The following TMEM163 variants were observed in gnomAD, a reference collection of about 807,000 sequenced individuals.
TMEM163 encodes transmembrane protein 163.
TMEM163 carries 17 observed loss-of-function variants against 29.3 expected under a neutral mutation model. That is an observed-to-expected ratio of 0.58 (90% confidence interval 0.40 to 0.87). The LOEUF (loss-of-function observed/expected upper bound fraction) is 0.87, where lower values mean the gene tolerates loss of function less well. Among genes scored for constraint, TMEM163 ranks in the 40% least tolerant of loss-of-function variants. The pLI is 0.00. For missense variants in TMEM163, 303 were observed against 381.5 expected, an observed-to-expected ratio of 0.79 and a Z score of 1.71; for synonymous variants, 157 against 160.6, an observed-to-expected ratio of 0.98 and a Z score of 0.17.
chr2:134,516,252 A>G (rs1680053977), intron 4 of TMEM163, among the ~76,000 whole-genome samples: 1 of 152,140 alleles, frequency 6.6e-6, no homozygotes, highest in Non-Finnish European at 1.5e-5. Flanking sequence ...AAGCATATAT[A>G]AAATATGGGC....
At chr2:134,668,530 TA>T (rs72287194) in intron 2 of TMEM163, among the ~76,000 whole-genome samples, 15,746 of 150,212 alleles carry the variant, frequency 0.1, 976 homozygotes, top group South Asian at 0.17. Flanking sequence ...ACAGAGATTG[TA>T]AAAAAATGGG....
At chr2:134,657,865 G>A (rs190532140) in intron 2 of TMEM163, among the ~76,000 whole-genome samples, 128 of 152,234 alleles carry the variant, frequency 8.4e-4, no homozygotes, top group African/African-American at 3.0e-3. Context: ...GGGCGTGGGC[G>A]GGAGGAAGGT....
In TMEM163 at chr2:134,456,514, G is replaced by T; in HGVS notation, c.*202C>A. On this transcript the variant is annotated 3_prime_UTR_variant, in exon 8 of 8. Coordinates refer to ENST00000281924, the MANE Select transcript of TMEM163 (RefSeq NM_030923.5). Reference sequence around the variant, plus strand: ...CGGGGAAGGAGGTCCATTCCTATGGGCATTGTCCCAACATGTTTGATGGGG... The same window carrying T: ...CGGGGAAGGAGGTCCATTCCTATGGTCATTGTCCCAACATGTTTGATGGGG... 1.6e-6 allele frequency: 1 copy of T among 617,326 alleles called. No individual in the cohort carries two copies. The highest frequency in any genetic ancestry group is 2.9e-6 in the Non-Finnish European group (1 of 345,320). 38.2% of individuals were successfully genotyped at this position (617,326 alleles called of 1,614,324 possible).
intron 5 of TMEM163, among the ~76,000 whole-genome samples, chr2:134,483,656 C>A (rs145650047): frequency 3.9e-5 from 6 of 152,308 alleles, no homozygotes; most frequent in African/African-American, 1.2e-4. Context: ...TGCCCCCCGG[C>A]CTTAAGATCA....
intron 2 of TMEM163, among the ~76,000 whole-genome samples, chr2:134,597,782 C>T (rs1323829327): frequency 2.0e-5 from 3 of 152,194 alleles, no homozygotes; most frequent in East Asian, 1.9e-4. Context: ...ATTATTGCCT[C>T]AATTTCAGAG....
intron 5 of TMEM163, chr2:134,466,815 T>C (rs1312227851): frequency 1.3e-5 from 2 of 152,570 alleles, no homozygotes; most frequent in African/African-American, 4.8e-5. Flanking sequence ...ACACTTCCTC[T>C]AAGTTGTTAC....
chr2:134,462,789 A>G (rs1270389626), intron 6 of TMEM163, among the ~76,000 whole-genome samples: 1 of 152,238 alleles, frequency 6.6e-6, no homozygotes, highest in Non-Finnish European at 1.5e-5. Context: ...GTTAGGAAAC[A>G]GCACCAACCA....
chr2:134,658,240 A>G (rs1260425325), intron 2 of TMEM163, among the ~76,000 whole-genome samples: 1 of 152,184 alleles, frequency 6.6e-6, no homozygotes, highest in East Asian at 1.9e-4. Context: ...GAATGCAGCT[A>G]GGAAAAATTT....
At chr2:134,477,531 C>G (rs1200163062) in intron 5 of TMEM163, among the ~76,000 whole-genome samples, 2 of 152,104 alleles carry the variant, frequency 1.3e-5, no homozygotes, top group African/African-American at 4.8e-5. Context: ...CTGGACAATC[C>G]AAATACTTCA....
At chr2:134,676,559 T>C (rs993173666) in intron 2 of TMEM163, among the ~76,000 whole-genome samples, 1 of 152,164 alleles carries the variant, frequency 6.6e-6, no homozygotes, top group Non-Finnish European at 1.5e-5. Flanking sequence ...TGGTTTTTAG[T>C]GTATTCAGAA....
chr2:134,609,912 G>A (rs972082581), intron 2 of TMEM163, among the ~76,000 whole-genome samples: 1 of 152,098 alleles, frequency 6.6e-6, no homozygotes, highest in African/African-American at 2.4e-5. Flanking sequence ...GAACTGTGCT[G>A]GTGAAAAGGG....
At chr2:134,697,854 T>C (rs565083218) in intron 2 of TMEM163, among the ~76,000 whole-genome samples, 47 of 152,336 alleles carry the variant, frequency 3.1e-4, no homozygotes, top group African/African-American at 8.9e-4. Context: ...ACTTTTTGTA[T>C]CTATATTCAT....
chr2:134,716,349 C>A (rs1685037109), intron 1 of TMEM163, among the ~76,000 whole-genome samples: 1 of 152,220 alleles, frequency 6.6e-6, no homozygotes, highest in Non-Finnish European at 1.5e-5. Flanking sequence ...ACATTCTGAG[C>A]TAGCTAGGTT....
intron 2 of TMEM163, among the ~76,000 whole-genome samples, chr2:134,685,792 T>C (rs769092440): frequency 6.6e-5 from 10 of 152,196 alleles, no homozygotes; most frequent in Non-Finnish European, 1.3e-4. Flanking sequence ...GACCACCTCA[T>C]AGATTCTTGG....
At chr2:134,637,383 TC>T (rs1203742196) in intron 2 of TMEM163, among the ~76,000 whole-genome samples, 1 of 152,112 alleles carries the variant, frequency 6.6e-6, no homozygotes, top group Non-Finnish European at 1.5e-5. Context: ...TGAGATGGCA[TC>T]CCATCCAGGG....
chr2:134,550,769 C>T (rs889102715), intron 3 of TMEM163, 108 bp from the exon 4 acceptor site: 1 of 1,075,712 alleles, frequency 9.3e-7, no homozygotes, highest in African/African-American at 1.6e-5. Flanking sequence ...TGAGTAAACT[C>T]TGAGCAAAGA....
At chr2:134,602,039 A>G (rs1682247595) in intron 2 of TMEM163, among the ~76,000 whole-genome samples, 1 of 152,164 alleles carries the variant, frequency 6.6e-6, no homozygotes, top group Non-Finnish European at 1.5e-5. Context: ...CTTCAAGGAG[A>G]AAATTAAAAT....
chr2:134,687,415 T>C (rs1368565841), intron 2 of TMEM163, among the ~76,000 whole-genome samples: 2 of 152,182 alleles, frequency 1.3e-5, no homozygotes, highest in Admixed American at 6.5e-5. Flanking sequence ...TGAGCACATA[T>C]TATGCTGATA....
At chr2:134,633,963 ATACATATATATATATATATATAT>A (rs1558971719) in intron 2 of TMEM163, among the ~76,000 whole-genome samples, 2 of 85,050 alleles carry the variant, frequency 2.4e-5, no homozygotes, top group African/African-American at 9.4e-5. Context: ...CAAAAAAAAA[ATACATATATATATATATATATAT>A]ATATATATAT....
Sources: gnomAD v4.1 joint callset for allele counts (sites outside exome capture counted in the v4.1 genomes callset) on GRCh38, gnomAD v4.1.1 for gene constraint, MANE v1.5 for transcripts, NCBI Gene and HGNC (gene_info 2026-07-23, HGNC 2026-07-21) for gene names.